Variants in LYZ observed in about 807,000 individuals in gnomAD.
LYZ encodes the protein lysozyme.
A neutral mutation model predicts 15.8 loss-of-function variants in LYZ; 18 were observed. The ratio of observed to expected loss-of-function variants is 1.14; its 90% CI spans 0.79 to 1.69. The LOEUF is 1.69. Among genes scored for constraint, LYZ ranks in the 40% most tolerant of loss-of-function variants. The probability of loss-of-function intolerance (pLI) is 0.00; values close to 1 mark genes in which losing one functional copy is unlikely to be tolerated. For synonymous variants in LYZ, 60 were observed against 61.7 expected (o/e 0.97, Z 0.13); for missense variants, 139 against 182.8 (o/e 0.76, Z 1.38).
chr12:69,348,930 C>T (rs1038607255), intron 1 of LYZ, among the ~76,000 whole-genome samples: 18 of 152,152 alleles, frequency 1.2e-4, no homozygotes, highest in Non-Finnish European at 2.6e-4. Flanking sequence ...CTCTGAGAGC[C>T]TAGAGTGATG....
At chr12:69,350,301 G>T (rs778519129) in intron 2 of LYZ, 29 bp downstream of exon 2, 1 of 1,612,136 alleles carries the variant, frequency 6.2e-7, no homozygotes, top group Non-Finnish European at 8.5e-7. Context: ...TGACCAATCT[G>T]GTTATACTTA....
At chr12:69,349,231 G>T (rs561500996) in intron 1 of LYZ, among the ~76,000 whole-genome samples, 1 of 152,226 alleles carries the variant, frequency 6.6e-6, no homozygotes, top group Admixed American at 6.5e-5. Flanking sequence ...TTGAACTCCT[G>T]GCCTCAAATG....
At chr12:69,352,755 A>T (rs1420252929) in intron 3 of LYZ, among the ~76,000 whole-genome samples, 2 of 152,276 alleles carry the variant, frequency 1.3e-5, no homozygotes, top group East Asian at 3.9e-4. Flanking sequence ...GGTGCCTGTA[A>T]TCCCAGCCAC....
At chr12:69,352,841 C>T (rs1852250290) in intron 3 of LYZ, among the ~76,000 whole-genome samples, 1 of 152,168 alleles carries the variant, frequency 6.6e-6, no homozygotes, top group African/African-American at 2.4e-5. Context: ...TGTACTTCAG[C>T]CTGGGCGACA....
intron 3 of LYZ, 110 bp from the exon 4 acceptor site, chr12:69,353,043 C>A: frequency 1.3e-6 from 1 of 797,672 alleles, no homozygotes; most frequent in African/African-American, 1.7e-5. Flanking sequence ...GTCTATCTTA[C>A]TATTTTATCT....
chr12:69,350,292 G>C lies in LYZ; in HGVS notation c.301+20G>C, dbSNP rs199649408. ...GCAGTGGTAAGACAAGCTAATATTT[G>C]ACCAATCTGGTTATACTTACAAGAA... On this transcript the variant is annotated intron_variant, in intron 2 of 3. Coordinates refer to ENST00000261267, the MANE Select transcript of LYZ (RefSeq NM_000239.3). The C allele has an allele frequency of 2.2e-4, 348 of 1,613,330 alleles. No individual in the cohort carries two copies. The highest frequency in any genetic ancestry group is 2.7e-4 in the Non-Finnish European group (317 of 1,179,550).
At chr12:69,350,592 G>A (rs1874821406) in intron 2 of LYZ, 1 of 298,010 alleles carries the variant, frequency 3.4e-6, no homozygotes, top group Non-Finnish European at 6.4e-6. Flanking sequence ...TTAGTTGTAT[G>A]GTCCTTTTTC....
chr12:69,353,237 T>C lies in LYZ; in HGVS notation c.*18T>C. On this transcript the variant is annotated 3_prime_UTR_variant, in exon 4 of 4. Transcript: ENST00000261267. The stretch of plus-strand genomic sequence containing the variant: ...GAGTGTAACTCCAGAATTTTCCTTC[T>C]TCAGCTCATTTTGTCTCTCTCACAT... 6.3e-7 allele frequency: 1 copy of C among 1,597,668 alleles called. No individual in the cohort carries two copies. Among genetic ancestry groups the C allele is most frequent in the Non-Finnish European group, 8.6e-7 (1 of 1,165,010 alleles).
chr12:69,348,407 A>G lies in LYZ; in HGVS notation c.-2A>G, dbSNP rs1290920791. 9 of 1,614,172 alleles carry G rather than the reference A, an allele frequency of 5.6e-6. No homozygotes were observed. Among genetic ancestry groups the G allele is most frequent in the Non-Finnish European group, 7.6e-6 (9 of 1,180,024 alleles). Reference sequence around the variant, plus strand: ...GCCTAGCACTCTGACCTAGCAGTCAACATGAAGGCTCTCATTGTTCTGGGG... The same window carrying G: ...GCCTAGCACTCTGACCTAGCAGTCAGCATGAAGGCTCTCATTGTTCTGGGG... On this transcript the variant is annotated 5_prime_UTR_variant, in exon 1 of 4. Coordinates refer to ENST00000261267, the MANE Select transcript of LYZ (RefSeq NM_000239.3).
chr12:69,351,782 A>G (rs928027462), intron 2 of LYZ, among the ~76,000 whole-genome samples: 2 of 152,214 alleles, frequency 1.3e-5, no homozygotes, highest in Non-Finnish European at 2.9e-5. Context: ...TGAATATTCT[A>G]TAATTTACTG....
At chr12:69,350,362 G>A in intron 2 of LYZ, 90 bp downstream of exon 2, 1 of 1,352,896 alleles carries the variant, frequency 7.4e-7, no homozygotes, top group African/African-American at 1.4e-5. Flanking sequence ...GTTCATGAGG[G>A]ACCTAGAAAA....
At chr12:69,350,819 C>T (rs965660455) in intron 2 of LYZ, among the ~76,000 whole-genome samples, 2 of 130,180 alleles carry the variant, frequency 1.5e-5, no homozygotes, top group South Asian at 2.5e-4. Flanking sequence ...GAGACAGGGT[C>T]TCCCTGTCCC....
chr12:69,352,344 G>T, intron 3 of LYZ, 46 bp downstream of exon 3: 1 of 1,459,912 alleles, frequency 6.8e-7, no homozygotes, highest in South Asian at 1.1e-5. Flanking sequence ...CTCTACTGTT[G>T]ATATATACAA....
At chr12:69,348,653 G>A (rs919469351) in intron 1 of LYZ, 109 bp downstream of exon 1, 3 of 1,372,720 alleles carry the variant, frequency 2.2e-6, no homozygotes, top group Non-Finnish European at 3.0e-6. Context: ...TTATTTCTTT[G>A]TGGGTTTGTA....
rs759506432 is a variant in LYZ at position 69,353,186 on chromosome 12, T to A, written c.414T>A (p.Asp138Glu). Residue 138 changes from aspartate (D) to glutamate (E), a missense_variant, in exon 4 of 4, where the codon GAT (aspartate) becomes GAA (glutamate). Asp to Glu is a conservative substitution (Grantham distance 45). Transcript: ENST00000261267. ...VAWRNRCQNR[D>E]VRQYVQGCGV ...GGAGAAATCGTTGTCAAAACAGAGA[T>A]GTCCGTCAGTATGTTCAAGGTTGTG... is the stretch of plus-strand genomic sequence containing the variant. 9.9e-6 allele frequency: 16 copies of A among 1,614,036 alleles called. No homozygotes were observed. Among genetic ancestry groups the A allele is most frequent in the Admixed American group, 8.3e-5 (5 of 60,010 alleles).
intron 2 of LYZ, among the ~76,000 whole-genome samples, chr12:69,351,716 G>GA (rs937079819): frequency 6.6e-6 from 1 of 150,850 alleles, no homozygotes; most frequent in Non-Finnish European, 1.5e-5. Context: ...TTCCAGATGA[G>GA]AAAAAAATAC....
chr12:69,350,073 G>A (rs762497316), intron 1 of LYZ, 35 bp from the exon 2 acceptor site: 36 of 1,596,832 alleles, frequency 2.3e-5, no homozygotes, highest in Non-Finnish European at 3.1e-5. Context: ...GTCACTTAGT[G>A]TTGCTGTTTA....
chr12:69,348,463 A>G lies in LYZ; in HGVS notation c.55A>G (p.Lys19Glu), dbSNP rs1473154577. Residue 19 changes from lysine (K) to glutamate (E), a missense_variant, in exon 1 of 4, where the codon AAG (lysine) becomes GAG (glutamate). Coordinates refer to ENST00000261267, the MANE Select transcript of LYZ (RefSeq NM_000239.3). ...CCTCCTTTCTGTTACGGTCCAGGGCAAGGTCTTTGAAAGGTGTGAGTTGGC... is the reference window on the plus strand; with the variant it reads ...CCTCCTTTCTGTTACGGTCCAGGGCGAGGTCTTTGAAAGGTGTGAGTTGGC... ...LVLLSVTVQG[K>E]VFERCELART... 1 of 1,614,174 alleles carries G rather than the reference A, an allele frequency of 6.2e-7. No individual in the cohort carries two copies. Among genetic ancestry groups the G allele is most frequent in the South Asian group, 1.1e-5 (1 of 91,080 alleles).
chr12:69,352,671 C>T (rs952554759), intron 3 of LYZ, among the ~76,000 whole-genome samples: 17 of 152,072 alleles, frequency 1.1e-4, no homozygotes, highest in African/African-American at 3.9e-4. Context: ...GTCAGGAGTT[C>T]GAGACCAGCC....
Sources: gnomAD v4.1 joint callset for allele counts (sites outside exome capture counted in the v4.1 genomes callset) on GRCh38, gnomAD v4.1.1 for gene constraint, MANE v1.5 for transcripts, NCBI Gene and HGNC (gene_info 2026-07-23, HGNC 2026-07-21) for gene names.